TMPRSS11F: variants seen among roughly 807,000 people sequenced by gnomAD.
The protein encoded by TMPRSS11F is transmembrane protease serine 11F.
A neutral mutation model predicts 60.2 loss-of-function variants in TMPRSS11F; 47 were observed. The ratio of observed to expected loss-of-function variants is 0.78; its 90% CI spans 0.62 to 1.00. The LOEUF (loss-of-function observed/expected upper bound fraction) is 1.00. Ranked by LOEUF, TMPRSS11F falls within the 50% of genes least tolerant of loss-of-function variation. The pLI is 0.00. For synonymous variants in TMPRSS11F, 166 were observed against 167.3 expected (o/e 0.99, Z 0.06); for missense variants, 519 against 522.9 (o/e 0.99, Z 0.07).
chr4:68,091,747 A>ATCTCTC (rs372346277), intron 2 of TMPRSS11F, among the ~76,000 whole-genome samples: 817 of 71,424 alleles, frequency 0.011, 11 homozygotes, highest in African/African-American at 0.031. Flanking sequence ...TTAATCTCTA[A>ATCTCTC]TCTCTCTCTC....
chr4:68,100,217 G>C (rs1299184561), intron 1 of TMPRSS11F, among the ~76,000 whole-genome samples: 4 of 152,132 alleles, frequency 2.6e-5, no homozygotes, highest in African/African-American at 9.7e-5. Context: ...TCACAAGACT[G>C]CAATTCTGGG....
At position 68,069,971 on chromosome 4, in the gene TMPRSS11F, C is replaced by A. The variant is rs762814077; in HGVS notation, c.551G>T (p.Ser184Ile). 4 of 1,602,120 alleles carry A rather than the reference C, an allele frequency of 2.5e-6. No individual in the cohort carries two copies. Among genetic ancestry groups the A allele is most frequent in the Non-Finnish European group, 3.4e-6 (4 of 1,173,902 alleles). Residue 184 changes from serine (S) to isoleucine (I), a missense_variant and splice_region_variant, in exon 6 of 10, where the codon AGT (serine) becomes ATT (isoleucine). Coordinates refer to ENST00000356291, the MANE Select transcript of TMPRSS11F (RefSeq NM_207407.2). ...DSKKMRNLLN[S>I]RCGIRMTSSN... Reference sequence around the variant, plus strand: ...TAATTGTGGGTTTTGGAACTTACGACTGTTGAGAAGATTCCTCATCTTTTT... The same window carrying A: ...TAATTGTGGGTTTTGGAACTTACGAATGTTGAGAAGATTCCTCATCTTTTT...
chr4:68,102,058 T>A (rs566783273), intron 1 of TMPRSS11F, among the ~76,000 whole-genome samples: 1 of 152,258 alleles, frequency 6.6e-6, no homozygotes, highest in South Asian at 2.1e-4. Context: ...ATATTACACA[T>A]CTAAGAGATA....
In TMPRSS11F at chr4:68,056,706, CA is replaced by C. The variant is rs34805853; in HGVS notation, c.1158+2619del. On this transcript the variant is annotated intron_variant, in intron 9 of 9. Coordinates refer to ENST00000356291, the MANE Select transcript of TMPRSS11F (RefSeq NM_207407.2). The stretch of plus-strand genomic sequence containing the variant: ...AACAATCCTTAAATCCATATAGAAG[CA>C]AAAAAAAACCTTGAATAGTCAAAAT... 1.7e-3 allele frequency among the ~76,000 whole-genome samples: 257 copies of C among 150,498 alleles called. 2 individuals carry two copies. Among genetic ancestry groups the C allele is most frequent in the African/African-American group, 6.1e-3 (250 of 41,008 alleles).
intron 3 of TMPRSS11F, among the ~76,000 whole-genome samples, chr4:68,076,529 A>T (rs144880937): frequency 1.1e-4 from 16 of 152,286 alleles, no homozygotes; most frequent in African/African-American, 3.1e-4. Context: ...TGGGGTAGCT[A>T]TAGTCTCTTT....
intron 3 of TMPRSS11F, among the ~76,000 whole-genome samples, chr4:68,085,967 T>A (rs1011779723): frequency 6.6e-6 from 1 of 152,068 alleles, no homozygotes; most frequent in Non-Finnish European, 1.5e-5. Context: ...ATTACACAGA[T>A]CATTGAGGCA....
intron 3 of TMPRSS11F, among the ~76,000 whole-genome samples, chr4:68,075,720 T>C (rs544037442): frequency 1.3e-5 from 2 of 152,096 alleles, no homozygotes; most frequent in South Asian, 2.1e-4. Flanking sequence ...ATAGGCTGGG[T>C]GCGGTGGCTC....
intron 1 of TMPRSS11F, among the ~76,000 whole-genome samples, chr4:68,119,449 T>C (rs2109887627): frequency 6.6e-6 from 1 of 152,290 alleles, no homozygotes; most frequent in African/African-American, 2.4e-5. Flanking sequence ...GACAAGTCAA[T>C]GCCTAGCTTC....
intron 3 of TMPRSS11F, among the ~76,000 whole-genome samples, chr4:68,086,491 C>T (rs1305130872): frequency 1.3e-5 from 2 of 151,900 alleles, no homozygotes; most frequent in East Asian, 1.9e-4. Flanking sequence ...CAAACCAACA[C>T]CAAAGCTAGC....
chr4:68,057,605 T>C (rs1723072650), intron 9 of TMPRSS11F, among the ~76,000 whole-genome samples: 1 of 152,154 alleles, frequency 6.6e-6, no homozygotes, highest in Non-Finnish European at 1.5e-5. Flanking sequence ...TTGCAAACCA[T>C]ATATTTGATA....
chr4:68,068,189 A>T (rs1051221337), intron 7 of TMPRSS11F, among the ~76,000 whole-genome samples: 4 of 152,172 alleles, frequency 2.6e-5, no homozygotes, highest in Admixed American at 6.5e-5. Context: ...GAGAACTTCA[A>T]GAGGGATACC....
chr4:68,118,320 CAAA>C (rs1724565050), intron 1 of TMPRSS11F, among the ~76,000 whole-genome samples: 1 of 152,074 alleles, frequency 6.6e-6, no homozygotes, highest in Non-Finnish European at 1.5e-5. Flanking sequence ...AAGAATCTTC[CAAA>C]AATATGGAAG....
chr4:68,091,783 C>CTATCTATCTATCTATCTATCTATCTATA (rs1553887421), intron 2 of TMPRSS11F, among the ~76,000 whole-genome samples: 5 of 54,572 alleles, frequency 9.2e-5, no homozygotes, highest in South Asian at 5.8e-4. Context: ...CTCTCTCTCT[C>CTATCTATCTATCTATCTATCTATCTATA]TATCTATCTA....
At chr4:68,075,470 C>T (rs963901388) in intron 3 of TMPRSS11F, among the ~76,000 whole-genome samples, 5 of 152,024 alleles carry the variant, frequency 3.3e-5, no homozygotes, top group African/African-American at 1.2e-4. Context: ...TTTGCCCCAT[C>T]CCTACCTTCA....
At chr4:68,122,632 T>C (rs1724643896) in intron 1 of TMPRSS11F, among the ~76,000 whole-genome samples, 1 of 152,180 alleles carries the variant, frequency 6.6e-6, no homozygotes, top group Non-Finnish European at 1.5e-5. Flanking sequence ...TTCTAATGCA[T>C]AGATAACACA....
At chr4:68,107,852 G>A (rs374791213) in intron 1 of TMPRSS11F, among the ~76,000 whole-genome samples, 39 of 152,224 alleles carry the variant, frequency 2.6e-4, no homozygotes, top group African/African-American at 9.1e-4. Context: ...CAGGAGAATC[G>A]CTTGAACCCA....
chr4:68,079,879 A>G (rs1723656322), intron 3 of TMPRSS11F, among the ~76,000 whole-genome samples: 2 of 152,172 alleles, frequency 1.3e-5, no homozygotes, highest in Admixed American at 1.3e-4. Context: ...GCTTCATACC[A>G]CCCAGGTACT....
At chr4:68,105,504 T>C (rs1441308496) in intron 1 of TMPRSS11F, among the ~76,000 whole-genome samples, 1 of 152,152 alleles carries the variant, frequency 6.6e-6, no homozygotes, top group Non-Finnish European at 1.5e-5. Flanking sequence ...TCCTCATCTG[T>C]AAAATGAAGA....
intron 2 of TMPRSS11F, among the ~76,000 whole-genome samples, chr4:68,093,620 A>C (rs1180050282): frequency 3.9e-5 from 6 of 151,916 alleles, no homozygotes; most frequent in South Asian, 4.2e-4. Context: ...CAACCTACAA[A>C]ATGGGAGAAA....
Sources: allele counts gnomAD v4.1 joint callset (sites outside exome capture counted in the v4.1 genomes callset), GRCh38; gene constraint gnomAD v4.1.1; transcripts MANE v1.5; gene names NCBI Gene and HGNC (gene_info 2026-07-23, HGNC 2026-07-21).